Variants in SPNS2 observed in about 807,000 individuals in gnomAD.
SPNS2 encodes sphingosine-1-phosphate transporter SPNS2.
In SPNS2, 37 loss-of-function variants were observed where a neutral mutation model predicts 57.6. The ratio of observed to expected loss-of-function variants is 0.64; its 90% CI spans 0.49 to 0.85. The LOEUF is 0.85. Ranked by LOEUF, SPNS2 falls within the 40% of genes least tolerant of loss-of-function variation. SPNS2 has a pLI of 0.00. For synonymous variants in SPNS2, 440 were observed against 346.9 expected, an observed-to-expected ratio of 1.27 and a Z score of -2.98; for missense variants, 831 against 779.1, an observed-to-expected ratio of 1.07 and a Z score of -0.79.
rs1904862669 is a variant in SPNS2 at position 4,512,636 on chromosome 17, G to GTGTGTGTGCGTGCGGGCGCACGGGTA, written c.371-597_371-596insGGCGCACGGGTATGTGTGTGCGTGCG. ...CTGAGGGCAGCTGGGGTGACAGTGT[G>GTGTGTGTGCGTGCGGGCGCACGGGTA]TGTGTGTGCGTGCGCGCGCACGGGT... On this transcript the variant is annotated intron_variant, in intron 1 of 12. Transcript: ENST00000329078. This position sits in a 1 kb window ranked among gnomAD's most constrained non-coding sequence, Gnocchi z 5.2. Among the ~76,000 whole-genome samples the GTGTGTGTGCGTGCGGGCGCACGGGTA allele has an allele frequency of 6.6e-6, 1 of 151,260 alleles. No homozygotes were observed. Among genetic ancestry groups the GTGTGTGTGCGTGCGGGCGCACGGGTA allele is most frequent in the African/African-American group, 2.5e-5 (1 of 40,638 alleles).
chr17:4,535,769 G>A (rs889990718), intron 9 of SPNS2, among the ~76,000 whole-genome samples: 4 of 152,128 alleles, frequency 2.6e-5, no homozygotes, highest in African/African-American at 9.7e-5. Context: ...TCAGTATGGG[G>A]CAGGTCGCAG....
intron 1 of SPNS2, among the ~76,000 whole-genome samples, chr17:4,504,255 G>A (rs1429695069): frequency 6.6e-6 from 1 of 152,250 alleles, no homozygotes; most frequent in Non-Finnish European, 1.5e-5. Context: ...GGCATCCAGA[G>A]TGTCTGACTG....
chr17:4,525,324 A>C lies in SPNS2; in HGVS notation c.573+131A>C, dbSNP rs368496837. On this transcript the variant is annotated intron_variant, in intron 3 of 12. Coordinates refer to ENST00000329078, the MANE Select transcript of SPNS2 (RefSeq NM_001124758.3). ...TTTGCTTGAACCCCACTGTCTTCCC[A>C]GTGCAGAAGGACAGGTGGTCTTCGG... 12 of 1,298,970 alleles carry C rather than the reference A, an allele frequency of 9.2e-6. No individual in the cohort carries two copies. The East Asian group carries it at 2.8e-4, about 30-fold the overall frequency. 80.5% of individuals were successfully genotyped at this position (1,298,970 alleles called of 1,614,324 possible).
chr17:4,500,317 T>C (rs1904441180), intron 1 of SPNS2, among the ~76,000 whole-genome samples: 2 of 152,130 alleles, frequency 1.3e-5, no homozygotes, highest in Non-Finnish European at 2.9e-5. Flanking sequence ...AGTTGATTGA[T>C]CATTGGGCCT....
intron 5 of SPNS2, among the ~76,000 whole-genome samples, chr17:4,531,877 G>C (rs1397892071): frequency 2.0e-5 from 3 of 152,148 alleles, no homozygotes; most frequent in African/African-American, 7.2e-5. Context: ...AAATGGGCTG[G>C]AAACGGGGAA....
chr17:4,511,663 C>T lies in SPNS2; in HGVS notation c.371-1584C>T, dbSNP rs945220843. Among the ~76,000 whole-genome samples, 5 of 152,266 alleles carry T rather than the reference C, an allele frequency of 3.3e-5. No homozygotes were observed. Among genetic ancestry groups the T allele is most frequent in the African/African-American group, 1.2e-4 (5 of 41,476 alleles). On this transcript the variant is annotated intron_variant, in intron 1 of 12. Transcript: ENST00000329078. This position sits in a 1 kb window ranked among gnomAD's most constrained non-coding sequence, Gnocchi z 4.6. Reference sequence around the variant, plus strand: ...TACCTTCAAGGCAAAGCCACAGCCTCTGCCTTGGTTATTAAGTCATTAACT... The same window carrying T: ...TACCTTCAAGGCAAAGCCACAGCCTTTGCCTTGGTTATTAAGTCATTAACT...
intron 9 of SPNS2, among the ~76,000 whole-genome samples, chr17:4,535,577 C>T (rs1474148588): frequency 3.9e-5 from 6 of 152,180 alleles, no homozygotes; most frequent in Non-Finnish European, 5.9e-5. Flanking sequence ...GCAGCATGGC[C>T]GTTCCTGATG....
chr17:4,532,239 C>CT (rs1287784415), intron 5 of SPNS2, among the ~76,000 whole-genome samples: 3 of 152,206 alleles, frequency 2.0e-5, no homozygotes, highest in Non-Finnish European at 4.4e-5. Flanking sequence ...CATCTCTTCT[C>CT]TATCTATCCA....
intron 3 of SPNS2, among the ~76,000 whole-genome samples, chr17:4,528,611 C>T (rs559410678): frequency 1.3e-5 from 2 of 152,088 alleles, no homozygotes; most frequent in African/African-American, 2.4e-5. Context: ...CGCGTAGCTG[C>T]GATTATAGGC....
At chr17:4,536,677 G>A (rs1905829930) in intron 11 of SPNS2, 1 of 647,156 alleles carries the variant, frequency 1.5e-6, no homozygotes, top group Non-Finnish European at 2.7e-6. Flanking sequence ...CAAAGCTGGG[G>A]CCCCTCCCCT....
intron 3 of SPNS2, among the ~76,000 whole-genome samples, chr17:4,529,362 G>A (rs936119115): frequency 2.0e-5 from 3 of 151,916 alleles, no homozygotes; most frequent in Admixed American, 6.6e-5. Context: ...TTATAGGCAC[G>A]AGCCCCCATG....
intron 1 of SPNS2, among the ~76,000 whole-genome samples, chr17:4,501,583 A>G (rs551695976): frequency 4.6e-5 from 7 of 152,222 alleles, no homozygotes; most frequent in African/African-American, 1.7e-4. Flanking sequence ...CACCCCCAAC[A>G]CACAACAGAC....
At chr17:4,522,584 T>G (rs566152371) in intron 2 of SPNS2, among the ~76,000 whole-genome samples, 3 of 152,198 alleles carry the variant, frequency 2.0e-5, no homozygotes, top group African/African-American at 7.2e-5. Flanking sequence ...CCTCCCTCCC[T>G]CTTTCTCTTC....
chr17:4,528,211 T>C (rs537373997), intron 3 of SPNS2, among the ~76,000 whole-genome samples: 33 of 151,690 alleles, frequency 2.2e-4, no homozygotes, highest in African/African-American at 6.0e-4. Flanking sequence ...TTAATAGAGA[T>C]GGGGTTTCAC....
In SPNS2 at chr17:4,504,273, C is replaced by T. The variant is rs574986289; in HGVS notation, c.370+4856C>T. On this transcript the variant is annotated intron_variant, in intron 1 of 12. Coordinates refer to ENST00000329078, the MANE Select transcript of SPNS2 (RefSeq NM_001124758.3). ...ATCCAGAGTGTCTGACTGGCAGGCT[C>T]AGCACCCAGGTGAAGCGCCAGGTGG... Among the ~76,000 whole-genome samples the T allele has an allele frequency of 7.7e-4, 118 of 152,360 alleles. 1 individual carries two copies. Among genetic ancestry groups the T allele is most frequent in the African/African-American group, 2.5e-3 (104 of 41,592 alleles).
intron 2 of SPNS2, among the ~76,000 whole-genome samples, chr17:4,519,189 G>T (rs1223551591): frequency 6.6e-6 from 1 of 152,246 alleles, no homozygotes; most frequent in Non-Finnish European, 1.5e-5. Context: ...AATAGCCGTG[G>T]CTCAGCCCAG....
Position 4,538,004 on chromosome 17 carries a change from T to G in SPNS2, c.*556T>G. 2.8e-6 allele frequency: 1 copy of G among 352,366 alleles called. No homozygotes were observed. 21.8% of individuals were successfully genotyped at this position (352,366 alleles called of 1,614,324 possible). On this transcript the variant is annotated 3_prime_UTR_variant, in exon 13 of 13. Coordinates refer to ENST00000329078, the MANE Select transcript of SPNS2 (RefSeq NM_001124758.3). ...GCTGGGCCTCGGACCTTGGGGATAT[T>G]GGACGCAACCTGGCAAATGAAGCTG...
At chr17:4,518,151 G>A (rs751918988) in intron 2 of SPNS2, among the ~76,000 whole-genome samples, 30 of 152,200 alleles carry the variant, frequency 2.0e-4, no homozygotes, top group Non-Finnish European at 4.1e-4. Context: ...AAGGCTTGAA[G>A]GCCAAGATAA....
chr17:4,527,649 A>G (rs1478137324), intron 3 of SPNS2, among the ~76,000 whole-genome samples: 1 of 152,224 alleles, frequency 6.6e-6, no homozygotes, highest in Non-Finnish European at 1.5e-5. Context: ...GACAGGGCTC[A>G]GCTTCTCTAG....
Sources: gnomAD v4.1 joint callset for allele counts (sites outside exome capture counted in the v4.1 genomes callset) on GRCh38, gnomAD v4.1.1 for gene constraint, Gnocchi (gnomAD v3.1) non-coding constraint, MANE v1.5 for transcripts, NCBI Gene and HGNC (gene_info 2026-07-23, HGNC 2026-07-21) for gene names.